The following ARHGAP20 variants were observed in gnomAD, a reference collection of about 807,000 sequenced individuals.
The protein encoded by ARHGAP20 is rho GTPase-activating protein 20.
In ARHGAP20, 34 loss-of-function variants were observed where a neutral mutation model predicts 73.7. The ratio of observed to expected loss-of-function variants is 0.46; its 90% confidence interval spans 0.35 to 0.61. ARHGAP20 has a LOEUF of 0.61. Among genes scored for constraint, ARHGAP20 ranks in the 20% least tolerant of loss-of-function variants. The probability of loss-of-function intolerance (pLI) is 0.00; values close to 1 mark genes in which losing one functional copy is unlikely to be tolerated. For synonymous variants in ARHGAP20, 523 were observed against 518.2 expected (o/e 1.01, Z -0.13); for missense variants, 1,314 against 1,420.9 (o/e 0.92, Z 1.21).
chr11:110,591,557 A>C (rs1261524429), intron 10 of ARHGAP20, among the ~76,000 whole-genome samples: 1 of 152,248 alleles, frequency 6.6e-6, no homozygotes, highest in Non-Finnish European at 1.5e-5. Context: ...AAGATAAATA[A>C]ATGCCAGGGA....
chr11:110,606,490 G>T, intron 9 of ARHGAP20, 71 bp downstream of exon 9: 2 of 1,450,306 alleles, frequency 1.4e-6, no homozygotes, highest in Non-Finnish European at 1.9e-6. Context: ...TCATCTGGCG[G>T]GAGGTTTGAG....
Position 110,579,207 on chromosome 11 carries a change from C to CA in ARHGAP20, c.*162dup. On this transcript the variant is annotated 3_prime_UTR_variant, in exon 15 of 15. Coordinates refer to ENST00000683387, the MANE Select transcript of ARHGAP20 (RefSeq NM_001384657.1). ...AAAATTTTTAGCATAAAGTATTTGT[C>CA]AAGTAGTCTCAATAAAGAGAATTAT... 1 of 1,324,174 alleles carries CA rather than the reference C, an allele frequency of 7.6e-7. No individual in the cohort carries two copies. Among genetic ancestry groups the CA allele is most frequent in the East Asian group, 2.6e-5 (1 of 37,958 alleles). 82.0% of individuals were successfully genotyped at this position (1,324,174 alleles called of 1,614,324 possible).
rs1159418996 is a variant in ARHGAP20 at position 110,578,396 on chromosome 11, C to T, written c.*974G>A. On this transcript the variant is annotated 3_prime_UTR_variant, in exon 15 of 15. Coordinates refer to ENST00000683387, the MANE Select transcript of ARHGAP20 (RefSeq NM_001384657.1). ...ATGATTTATAAGTATGTTTTTCTGGCTGACTGTAATCTAAGAGGCAGGACT... is the reference window on the plus strand; with the variant it reads ...ATGATTTATAAGTATGTTTTTCTGGTTGACTGTAATCTAAGAGGCAGGACT... The T allele has an allele frequency of 7.1e-6, 7 of 985,314 alleles. No homozygotes were observed. In the Middle Eastern group the frequency reaches 1.5e-3, roughly 218 times the overall value. The allele number at this position is 985,314 out of a possible 1,614,324, so 61.0% of individuals were successfully genotyped here.
At chr11:110,604,219 C>A (rs1004458394) in intron 9 of ARHGAP20, among the ~76,000 whole-genome samples, 1 of 152,066 alleles carries the variant, frequency 6.6e-6, no homozygotes, top group African/African-American at 2.4e-5. Flanking sequence ...TCATCAAATT[C>A]TTTTGTATTT....
intron 11 of ARHGAP20, 94 bp downstream of exon 11, chr11:110,590,554 T>G (rs1713383652): frequency 7.7e-7 from 1 of 1,301,184 alleles, no homozygotes; most frequent in African/African-American, 1.5e-5. Flanking sequence ...TTATGGGTCT[T>G]TGCAAATAGA....
chr11:110,667,543 G>T (rs1949749033), intron 2 of ARHGAP20, among the ~76,000 whole-genome samples: 1 of 152,146 alleles, frequency 6.6e-6, no homozygotes, highest in Non-Finnish European at 1.5e-5. Flanking sequence ...GGAGATGAAG[G>T]TTGTTTTCAT....
intron 2 of ARHGAP20, among the ~76,000 whole-genome samples, 153 bp from the exon 3 acceptor site, chr11:110,630,945 T>G (rs1220223709): frequency 1.3e-5 from 2 of 152,232 alleles, no homozygotes; most frequent in Non-Finnish European, 2.9e-5. Context: ...TATTTCATTA[T>G]GAAAATTTTG....
intron 11 of ARHGAP20, chr11:110,589,510 G>A (rs982018252): frequency 5.4e-5 from 53 of 985,336 alleles, no homozygotes; most frequent in Non-Finnish European, 6.4e-5. Flanking sequence ...CTGAGATACA[G>A]GCTGGGGCCT....
At position 110,577,179 on chromosome 11, in the gene ARHGAP20, TACATA is replaced by T. The variant is rs1947303913; in HGVS notation, c.*2186_*2190del. The T allele has an allele frequency of 9.8e-6, 15 of 1,532,998 alleles. No individual in the cohort carries two copies. Among genetic ancestry groups the T allele is most frequent in the Non-Finnish European group, 1.3e-5 (15 of 1,145,398 alleles). 95.0% of individuals were successfully genotyped at this position (1,532,998 alleles called of 1,614,324 possible). On this transcript the variant is annotated 3_prime_UTR_variant, in exon 15 of 15. Transcript: ENST00000683387. ...TGCAAGTACAAAAATACACATTTAT[TACATA>T]ACATATGGTAGTAAAATTTGTCAAG...
intron 4 of ARHGAP20, among the ~76,000 whole-genome samples, chr11:110,618,174 A>G (rs1398986788): frequency 6.6e-6 from 1 of 152,140 alleles, no homozygotes; most frequent in African/African-American, 2.4e-5. Context: ...AAAAATGTCA[A>G]CAGTGACCAC....
intron 2 of ARHGAP20, among the ~76,000 whole-genome samples, chr11:110,687,087 G>C (rs11213535): frequency 8.8e-5 from 12 of 136,776 alleles, no homozygotes; most frequent in East Asian, 6.5e-4. Flanking sequence ...CATATATATA[G>C]ACACACACAC....
At chr11:110,633,307 C>G (rs560761522) in intron 2 of ARHGAP20, among the ~76,000 whole-genome samples, 1 of 152,232 alleles carries the variant, frequency 6.6e-6, no homozygotes, top group South Asian at 2.1e-4. Context: ...CAATGGATTG[C>G]TTTGGTACCT....
At chr11:110,596,073 G>A (rs967796343) in intron 9 of ARHGAP20, among the ~76,000 whole-genome samples, 13 of 152,060 alleles carry the variant, frequency 8.5e-5, no homozygotes, top group African/African-American at 3.1e-4. Context: ...AATGGTGCTG[G>A]GAAAACTGGC....
chr11:110,653,348 T>G (rs989488008), intron 2 of ARHGAP20, among the ~76,000 whole-genome samples: 1 of 152,064 alleles, frequency 6.6e-6, no homozygotes, highest in African/African-American at 2.4e-5. Context: ...ATATCCAGAA[T>G]CTACAAGGAA....
Position 110,701,298 on chromosome 11 carries a change from T to A in ARHGAP20, c.106-10669A>T, listed in dbSNP as rs1343235769. On this transcript the variant is annotated intron_variant, in intron 1 of 14. Transcript: ENST00000683387. ...CCATTCTAACTGGTGTGAGATGGTATCTCATTGTGGTTTTGATTTGCATTT... is the reference window on the plus strand; with the variant it reads ...CCATTCTAACTGGTGTGAGATGGTAACTCATTGTGGTTTTGATTTGCATTT... Among the ~76,000 whole-genome samples, 3 of 150,350 alleles carry A rather than the reference T, an allele frequency of 2.0e-5. No homozygotes were observed. The East Asian group carries it at 5.8e-4, about 29-fold the overall frequency.
intron 6 of ARHGAP20, among the ~76,000 whole-genome samples, chr11:110,614,044 C>T (rs1054290771): frequency 6.6e-6 from 1 of 151,960 alleles, no homozygotes; most frequent in Non-Finnish European, 1.5e-5. Context: ...AATGCTGATC[C>T]CTTAAAAATG....
At chr11:110,692,702 G>C (rs1950266113) in intron 1 of ARHGAP20, among the ~76,000 whole-genome samples, 2 of 151,892 alleles carry the variant, frequency 1.3e-5, no homozygotes, top group Non-Finnish European at 2.9e-5. Flanking sequence ...TGAAGAAAAA[G>C]AGCCTATGAA....
At chr11:110,626,092 G>A (rs1948738531) in intron 3 of ARHGAP20, among the ~76,000 whole-genome samples, 1 of 152,060 alleles carries the variant, frequency 6.6e-6, no homozygotes, top group African/African-American at 2.4e-5. Context: ...CTATTGTTAT[G>A]AATCTTTAGA....
intron 13 of ARHGAP20, among the ~76,000 whole-genome samples, chr11:110,583,266 A>C (rs933236682): frequency 2.0e-5 from 3 of 152,150 alleles, no homozygotes; most frequent in African/African-American, 7.2e-5. Flanking sequence ...CCTAGTTCCA[A>C]AGTCCTTTTT....
Sources: gnomAD v4.1 joint callset for allele counts (sites outside exome capture counted in the v4.1 genomes callset) on GRCh38, gnomAD v4.1.1 for gene constraint, MANE v1.5 for transcripts, NCBI Gene and HGNC (gene_info 2026-07-23, HGNC 2026-07-21) for gene names.